Variants in P4HA2 observed in about 807,000 individuals in gnomAD.
P4HA2 encodes prolyl 4-hydroxylase subunit alpha 2.
In P4HA2, 46 loss-of-function variants were observed where a neutral mutation model predicts 76.9. The observed-to-expected ratio is 0.60, with a 90% CI of 0.47 to 0.76. The LOEUF is 0.76. Among genes scored for constraint, P4HA2 ranks in the 30% least tolerant of loss-of-function variants. The pLI is 0.00. For synonymous variants in P4HA2, 243 were observed against 254.0 expected (o/e 0.96, Z 0.41); for missense variants, 583 against 669.4 (o/e 0.87, Z 1.42).
Position 132,207,897 on chromosome 5 carries a change from G to C in P4HA2, c.904-13C>G, listed in dbSNP as rs1439899027. 2 of 1,555,510 alleles carry C rather than the reference G, an allele frequency of 1.3e-6. No homozygotes were observed. Among genetic ancestry groups the C allele is most frequent in the Non-Finnish European group, 1.7e-6 (2 of 1,152,466 alleles). On this transcript the variant is annotated splice_polypyrimidine_tract_variant and intron_variant, in intron 7 of 14. Coordinates refer to ENST00000360568, the MANE Select transcript of P4HA2 (RefSeq NM_001017974.2). ...GTCTACGGGGTGTCTGGAAAGCACA[G>C]AGTAACAGGCCCTGAGCTGAGTGAG...
intron 1 of P4HA2, among the ~76,000 whole-genome samples, chr5:132,223,405 GGT>G (rs1283774788): frequency 6.6e-6 from 1 of 152,200 alleles, no homozygotes; most frequent in African/African-American, 2.4e-5. Context: ...TTGGACTACA[GGT>G]GTGTGCCACC....
intron 8 of P4HA2, among the ~76,000 whole-genome samples, chr5:132,204,357 G>A (rs1382292772): frequency 6.6e-6 from 1 of 152,170 alleles, no homozygotes; most frequent in Non-Finnish European, 1.5e-5. Context: ...TCCGCAATCA[G>A]TTCCTGGCTA....
intron 1 of P4HA2, among the ~76,000 whole-genome samples, chr5:132,225,700 G>A (rs1459195753): frequency 2.0e-5 from 3 of 152,206 alleles, no homozygotes; most frequent in Admixed American, 6.5e-5. Context: ...CAGGCAGAAG[G>A]CACTCAAGGG....
intron 1 of P4HA2, among the ~76,000 whole-genome samples, chr5:132,219,658 T>A (rs1299169435): frequency 6.6e-6 from 1 of 152,104 alleles, no homozygotes; most frequent in African/African-American, 2.4e-5. Flanking sequence ...ACTGGAGTGC[T>A]CAAATGGAAA....
At chr5:132,224,047 TG>T (rs1189437769) in intron 1 of P4HA2, among the ~76,000 whole-genome samples, 3 of 152,358 alleles carry the variant, frequency 2.0e-5, no homozygotes, top group Middle Eastern at 3.4e-3. Flanking sequence ...CACGCCTGGC[TG>T]GATCTCACCA....
At position 132,217,167 on chromosome 5, in the gene P4HA2, T is replaced by C. The variant is rs114755218; in HGVS notation, c.331+30A>G. 2.3e-3 allele frequency: 3,697 copies of C among 1,606,246 alleles called. 69 individuals carry two copies. In the African/African-American group the frequency reaches 0.045, roughly 20 times the overall value. ...GGCATGAGCACACAAACATATGGGC[T>C]CACTCAAGCACCTGCTCACCGTCCC... On this transcript the variant is annotated intron_variant, in intron 4 of 14. Coordinates refer to ENST00000360568, the MANE Select transcript of P4HA2 (RefSeq NM_001017974.2).
chr5:132,205,618 G>C (rs1752113923), intron 8 of P4HA2, among the ~76,000 whole-genome samples: 1 of 152,202 alleles, frequency 6.6e-6, no homozygotes, highest in Admixed American at 6.5e-5. Flanking sequence ...GGTGGCAGAA[G>C]GGATGGAGAG....
At chr5:132,197,876 G>T in intron 12 of P4HA2, 1 of 313,666 alleles carries the variant, frequency 3.2e-6, no homozygotes, top group Non-Finnish European at 4.6e-6. Flanking sequence ...GGTGATGCTT[G>T]CGCACTATGA....
intron 5 of P4HA2, 95 bp downstream of exon 5, chr5:132,213,821 C>T (rs1461165636): frequency 1.7e-6 from 2 of 1,191,866 alleles, no homozygotes; most frequent in African/African-American, 3.0e-5. Context: ...AGAGGTGCAC[C>T]CGAGGTTAAA....
chr5:132,200,421 A>C (rs1288408796), intron 10 of P4HA2: 1 of 162,838 alleles, frequency 6.1e-6, no homozygotes, highest in Non-Finnish European at 1.5e-5. Context: ...TCAACAGCAC[A>C]AGGAAGCCTG....
At chr5:132,221,668 TTTC>T (rs781472946) in intron 1 of P4HA2, among the ~76,000 whole-genome samples, 10 of 152,348 alleles carry the variant, frequency 6.6e-5, no homozygotes, top group African/African-American at 2.2e-4. Flanking sequence ...GGTGAAATAA[TTTC>T]TTTTTATTTT....
At chr5:132,211,889 A>G (rs1753140166) in intron 5 of P4HA2, among the ~76,000 whole-genome samples, 1 of 152,242 alleles carries the variant, frequency 6.6e-6, no homozygotes, top group Admixed American at 6.5e-5. Flanking sequence ...CAATAAGATG[A>G]CATATGAAGA....
chr5:132,207,923 T>C (rs201360789), intron 7 of P4HA2, 39 bp from the exon 8 acceptor site: 13 of 1,482,602 alleles, frequency 8.8e-6, no homozygotes, highest in Non-Finnish European at 1.2e-5. Context: ...GCTGAGTGAG[T>C]CCTAATCCTC....
At chr5:132,208,096 C>A (rs1367805518) in intron 7 of P4HA2, among the ~76,000 whole-genome samples, 3 of 151,502 alleles carry the variant, frequency 2.0e-5, no homozygotes, top group Non-Finnish European at 4.4e-5. Flanking sequence ...TAGCTTGAGA[C>A]CAGGAGTTTG....
intron 1 of P4HA2, among the ~76,000 whole-genome samples, chr5:132,220,294 T>C (rs1754493449): frequency 6.6e-6 from 1 of 152,218 alleles, no homozygotes; most frequent in African/African-American, 2.4e-5. Context: ...AGGGATTGGG[T>C]GTCTGTTTCT....
chr5:132,211,340 G>A (rs1753059038), intron 5 of P4HA2, among the ~76,000 whole-genome samples: 1 of 152,172 alleles, frequency 6.6e-6, no homozygotes, highest in African/African-American at 2.4e-5. Flanking sequence ...GTTCCTCAGA[G>A]AATAATGAGA....
At chr5:132,205,649 T>C (rs1383642455) in intron 8 of P4HA2, among the ~76,000 whole-genome samples, 1 of 152,068 alleles carries the variant, frequency 6.6e-6, no homozygotes, top group Non-Finnish European at 1.5e-5. Flanking sequence ...ACCAGAAGGC[T>C]AGTAAGGGGG....
chr5:132,226,911 A>G (rs1008603981), intron 1 of P4HA2: 1 of 152,550 alleles, frequency 6.6e-6, no homozygotes, highest in East Asian at 1.9e-4. Flanking sequence ...GGCATTGGCC[A>G]AGGTCTCTGC....
Position 132,227,793 on chromosome 5 carries a change from G to C in P4HA2, c.-22C>G, listed in dbSNP as rs1321492293. ...GCTGAGCGGGCGGGGCGCTCACCTG[G>C]ACACTCGCAGCTCCCGGCGTTTCCA... On this transcript the variant is annotated 5_prime_UTR_variant, in exon 1 of 15. Transcript: ENST00000360568. The C allele has an allele frequency of 6.6e-6, 1 of 152,244 alleles. No homozygotes were observed. Among genetic ancestry groups the C allele is most frequent in the Non-Finnish European group, 1.5e-5 (1 of 68,098 alleles). 9.4% of individuals were successfully genotyped at this position (152,244 alleles called of 1,614,324 possible).
Sources: allele counts gnomAD v4.1 joint callset (sites outside exome capture counted in the v4.1 genomes callset), GRCh38; gene constraint gnomAD v4.1.1; transcripts MANE v1.5; gene names NCBI Gene and HGNC (gene_info 2026-07-23, HGNC 2026-07-21).